CDH12: variants seen among roughly 807,000 people sequenced by gnomAD.
CDH12 encodes cadherin-12.
CDH12 carries 41 observed loss-of-function variants against 74.1 expected under a neutral mutation model. The observed-to-expected ratio is 0.55, with a 90% confidence interval of 0.43 to 0.72. The LOEUF (loss-of-function observed/expected upper bound fraction) is 0.72, where lower values mean the gene tolerates loss of function less well. Among genes scored for constraint, CDH12 ranks in the 30% least tolerant of loss-of-function variants. The pLI, the probability that CDH12 is intolerant of heterozygous loss-of-function variation, is 0.00. For synonymous variants in CDH12, 399 were observed against 355.0 expected (o/e 1.12, Z -1.39); for missense variants, 945 against 977.2 (o/e 0.97, Z 0.44).
chr5:21,909,020 T>A (rs1247884159), intron 6 of CDH12, among the ~76,000 whole-genome samples: 1 of 152,198 alleles, frequency 6.6e-6, no homozygotes, highest in Non-Finnish European at 1.5e-5. Flanking sequence ...TTGGCTTCTG[T>A]CTGTTTTTTG....
At chr5:21,859,705 T>C (rs1401422845) in intron 6 of CDH12, among the ~76,000 whole-genome samples, 1 of 151,970 alleles carries the variant, frequency 6.6e-6, no homozygotes, top group African/African-American at 2.4e-5. Context: ...CAACAATGAT[T>C]CCATTAAACT....
intron 14 of CDH12, among the ~76,000 whole-genome samples, chr5:21,752,464 C>A (rs1248065601): frequency 6.6e-6 from 1 of 151,962 alleles, no homozygotes; most frequent in Non-Finnish European, 1.5e-5. Context: ...ACAAGTATGT[C>A]TTTATATTAA....
intron 1 of CDH12, among the ~76,000 whole-genome samples, chr5:22,581,165 T>C (rs1740080619): frequency 6.6e-6 from 1 of 152,210 alleles, no homozygotes; most frequent in South Asian, 2.1e-4. Flanking sequence ...TTCCAGGGCA[T>C]GTCAGAGGTC....
intron 3 of CDH12, among the ~76,000 whole-genome samples, chr5:22,359,008 G>A (rs1326203052): frequency 6.6e-6 from 1 of 152,160 alleles, no homozygotes; most frequent in Non-Finnish European, 1.5e-5. Context: ...ATGCTAGGAA[G>A]AAACTGCATC....
At chr5:22,579,005 G>A (rs1580783617) in intron 1 of CDH12, among the ~76,000 whole-genome samples, 1 of 152,154 alleles carries the variant, frequency 6.6e-6, no homozygotes, top group Middle Eastern at 3.4e-3. Flanking sequence ...TTTCTCTCTG[G>A]TTTGGCCAAT....
intron 1 of CDH12, among the ~76,000 whole-genome samples, chr5:22,684,744 A>G (rs1279613976): frequency 1.3e-5 from 2 of 152,210 alleles, no homozygotes; most frequent in Non-Finnish European, 2.9e-5. Context: ...ACATCGTTGT[A>G]TACTAAACAG....
chr5:22,286,547 G>T (rs546146303), intron 3 of CDH12, among the ~76,000 whole-genome samples: 24 of 152,234 alleles, frequency 1.6e-4, no homozygotes, highest in South Asian at 2.1e-4. Context: ...CCATTTTTTT[G>T]TGTGTGAAAT....
intron 4 of CDH12, among the ~76,000 whole-genome samples, chr5:22,164,821 C>T (rs1198341298): frequency 2.1e-5 from 3 of 143,516 alleles, no homozygotes; most frequent in Non-Finnish European, 4.5e-5. Context: ...TGGTCACCTT[C>T]CCAGCTAGGC....
intron 7 of CDH12, among the ~76,000 whole-genome samples, chr5:21,844,425 A>G (rs1427958217): frequency 6.6e-6 from 1 of 152,010 alleles, no homozygotes. Context: ...GTGCTGGGGC[A>G]GGGGAAGCAC....
At chr5:22,723,778 G>C (rs1744018824) in intron 1 of CDH12, among the ~76,000 whole-genome samples, 1 of 151,986 alleles carries the variant, frequency 6.6e-6, no homozygotes, top group African/African-American at 2.4e-5. Context: ...ATTTAACTAT[G>C]TATTTGGCAC....
At position 22,619,590 on chromosome 5, in the gene CDH12, T is replaced by C. The variant is rs181743846; in HGVS notation, c.-522-114226A>G. On this transcript the variant is annotated intron_variant, in intron 1 of 14. Transcript: ENST00000382254. ...TCTATTTTATGATAAGACATAAAAC[T>C]CATTTGCCTTGTCTAAAAATATCAA... 1.5e-3 allele frequency among the ~76,000 whole-genome samples: 232 copies of C among 152,212 alleles called. 1 individual carries two copies. Among genetic ancestry groups the C allele is most frequent in the African/African-American group, 5.1e-3 (213 of 41,574 alleles).
At chr5:22,602,103 T>C (rs1736878240) in intron 1 of CDH12, among the ~76,000 whole-genome samples, 1 of 152,146 alleles carries the variant, frequency 6.6e-6, no homozygotes, top group South Asian at 2.1e-4. Context: ...AAAGAATTCA[T>C]AATTTACTGA....
At chr5:22,336,998 C>A (rs942963003) in intron 3 of CDH12, among the ~76,000 whole-genome samples, 3 of 152,202 alleles carry the variant, frequency 2.0e-5, no homozygotes, top group Non-Finnish European at 4.4e-5. Context: ...GTTGGAGCTA[C>A]CCAAGACTAT....
At chr5:21,984,746 G>A (rs895419781) in intron 5 of CDH12, among the ~76,000 whole-genome samples, 11 of 152,102 alleles carry the variant, frequency 7.2e-5, no homozygotes, top group Non-Finnish European at 1.0e-4. Flanking sequence ...AGTAAAACTT[G>A]CAATCAACAG....
At chr5:22,122,279 T>A (rs186826027) in intron 4 of CDH12, among the ~76,000 whole-genome samples, 7 of 152,222 alleles carry the variant, frequency 4.6e-5, no homozygotes, top group African/African-American at 1.4e-4. Flanking sequence ...GGCACATTCC[T>A]GTAATCCCAG....
intron 10 of CDH12, among the ~76,000 whole-genome samples, chr5:21,790,122 A>G (rs1746409311): frequency 6.6e-6 from 1 of 152,066 alleles, no homozygotes; most frequent in African/African-American, 2.4e-5. Context: ...GTTTTCCCAG[A>G]TAAGATTGGG....
At position 22,806,063 on chromosome 5, in the gene CDH12, G is replaced by A. The variant is rs145624932; in HGVS notation, c.-523+46995C>T. Among the ~76,000 whole-genome samples, 905 of 152,240 alleles carry A rather than the reference G, an allele frequency of 5.9e-3. 8 individuals are homozygous for A. Among genetic ancestry groups the A allele is most frequent in the African/African-American group, 0.02 (850 of 41,530 alleles). On this transcript the variant is annotated intron_variant, in intron 1 of 14. Transcript: ENST00000382254. ...TTTCTTTATCCAGTCTACCATTGAT[G>A]AGCGTTTGAGTTGGTTCCAAGTCTT...
chr5:22,187,946 T>G (rs1043027768), intron 4 of CDH12, among the ~76,000 whole-genome samples: 6 of 152,106 alleles, frequency 3.9e-5, no homozygotes, highest in Non-Finnish European at 8.8e-5. Flanking sequence ...CCATGCGTAA[T>G]TAATGGTTCT....
chr5:22,351,008 C>T (rs1350320156), intron 3 of CDH12, among the ~76,000 whole-genome samples: 2 of 152,056 alleles, frequency 1.3e-5, no homozygotes, highest in Non-Finnish European at 2.9e-5. Flanking sequence ...TAATATAAAG[C>T]TGAAGATAAT....
Sources: allele counts gnomAD v4.1 joint callset (sites outside exome capture counted in the v4.1 genomes callset), GRCh38; gene constraint gnomAD v4.1.1; transcripts MANE v1.5; gene names NCBI Gene and HGNC (gene_info 2026-07-23, HGNC 2026-07-21).